The following ANOS1 variants were observed in gnomAD, a reference collection of about 807,000 sequenced individuals.
The protein encoded by ANOS1 is anosmin-1.
In ANOS1, 6 loss-of-function variants were observed where a neutral mutation model predicts 59.0. The observed-to-expected ratio is 0.10, with a 90% CI of 0.06 to 0.20. The LOEUF (loss-of-function observed/expected upper bound fraction) is 0.20. ANOS1 is among the 10% of genes least tolerant of loss of function. ANOS1 has a pLI of 1.00. For missense variants in ANOS1, 433 were observed against 542.3 expected, an observed-to-expected ratio of 0.80 and a Z score of 2.00; for synonymous variants, 217 against 223.4, an observed-to-expected ratio of 0.97 and a Z score of 0.25.
chrX:8,572,585 C>T (rs1023052873), intron 6 of ANOS1, among the ~76,000 whole-genome samples: 3 of 111,927 alleles, frequency 2.7e-5, no homozygotes, highest in African/African-American at 9.7e-5. Context: ...AATAGTGCTG[C>T]AATGTACACA....
At chrX:8,627,420 G>T (rs1252823641) in intron 2 of ANOS1, among the ~76,000 whole-genome samples, 1 of 111,857 alleles carries the variant, frequency 8.9e-6, no homozygotes, top group Non-Finnish European at 1.9e-5. Context: ...CATATTTCTG[G>T]AATGCTAATC....
intron 6 of ANOS1, among the ~76,000 whole-genome samples, chrX:8,580,479 A>G (rs1422501790): frequency 1.8e-5 from 2 of 112,309 alleles, no homozygotes; most frequent in Non-Finnish European, 3.8e-5. Context: ...GAAAAGCATG[A>G]AACTAATTTA....
At chrX:8,630,148 G>A (rs112864995) in intron 2 of ANOS1, among the ~76,000 whole-genome samples, 188 of 112,108 alleles carry the variant, frequency 1.7e-3, no homozygotes, top group African/African-American at 5.8e-3. Context: ...ACGACATGCC[G>A]GCCAGGCGTG....
intron 11 of ANOS1, among the ~76,000 whole-genome samples, chrX:8,536,188 C>CTTT (rs1304219147): frequency 0.01 from 325 of 31,869 alleles, 61 homozygotes; most frequent in East Asian, 0.032. Flanking sequence ...AAATCCGAAG[C>CTTT]TTTTTTTTTT....
At chrX:8,646,617 G>A (rs1429078408) in intron 2 of ANOS1, among the ~76,000 whole-genome samples, 1 of 110,645 alleles carries the variant, frequency 9.0e-6, no homozygotes, top group East Asian at 2.9e-4. Context: ...GGGAAGGCTT[G>A]AGAATAAAAT....
chrX:8,657,115 A>C (rs1473287105), intron 2 of ANOS1, among the ~76,000 whole-genome samples: 1 of 112,733 alleles, frequency 8.9e-6, no homozygotes, highest in African/African-American at 3.2e-5. Flanking sequence ...TGGCTCGATC[A>C]ATCATGCCTA....
intron 6 of ANOS1, among the ~76,000 whole-genome samples, chrX:8,578,352 C>A (rs1399803487): frequency 1.8e-5 from 2 of 109,086 alleles, no homozygotes; most frequent in Non-Finnish European, 3.8e-5. Context: ...GCTGCTGAAG[C>A]TACACTGCAG....
intron 4 of ANOS1, among the ~76,000 whole-genome samples, chrX:8,595,540 TGTAA>T (rs1307097157): frequency 8.9e-6 from 1 of 112,154 alleles, no homozygotes; most frequent in Admixed American, 9.5e-5. Flanking sequence ...TGTGAATTGT[TGTAA>T]GTGTTAGAGT....
intron 2 of ANOS1, among the ~76,000 whole-genome samples, chrX:8,667,321 G>A (rs778092546): frequency 8.2e-5 from 9 of 109,930 alleles, no homozygotes; most frequent in Admixed American, 5.9e-4. Context: ...GGGGGGATGG[G>A]GGTGGGGAGT....
intron 1 of ANOS1, among the ~76,000 whole-genome samples, chrX:8,707,813 C>T (rs139562079): frequency 1.6e-3 from 182 of 112,216 alleles, no homozygotes; most frequent in African/African-American, 5.4e-3. Flanking sequence ...CCTTAGGGTG[C>T]ATTATAACTT....
intron 2 of ANOS1, among the ~76,000 whole-genome samples, chrX:8,658,899 G>A (rs968102612): frequency 3.6e-5 from 4 of 111,189 alleles, no homozygotes; most frequent in African/African-American, 1.3e-4. Flanking sequence ...ACCAGCTTGG[G>A]CAACATAGAA....
intron 2 of ANOS1, among the ~76,000 whole-genome samples, chrX:8,631,704 A>G (rs998573637): frequency 8.9e-6 from 1 of 111,999 alleles, no homozygotes; most frequent in Non-Finnish European, 1.9e-5. Context: ...GAAATTATCA[A>G]TTGATCAAGG....
chrX:8,669,069 T>C (rs991285048), intron 2 of ANOS1, among the ~76,000 whole-genome samples: 1 of 112,368 alleles, frequency 8.9e-6, no homozygotes, highest in Non-Finnish European at 1.9e-5. Context: ...TGGAGATGTC[T>C]GGCTCTGTGT....
chrX:8,648,401 C>T (rs141950957), intron 2 of ANOS1, among the ~76,000 whole-genome samples: 1 of 102,864 alleles, frequency 9.7e-6, no homozygotes, highest in Non-Finnish European at 1.9e-5. Flanking sequence ...GCCGAGGTTG[C>T]AGTCAGCTGA....
chrX:8,628,097 A>G (rs1221119358), intron 2 of ANOS1, among the ~76,000 whole-genome samples: 2 of 111,619 alleles, frequency 1.8e-5, no homozygotes, highest in East Asian at 5.7e-4. Flanking sequence ...ACCAAAACCA[A>G]GATGGCAAAT....
intron 9 of ANOS1, among the ~76,000 whole-genome samples, chrX:8,541,028 T>A: frequency 1.0e-5 from 1 of 98,298 alleles, no homozygotes; most frequent in East Asian, 3.2e-4. Flanking sequence ...TTTTACATAG[T>A]AATGGGGCCA....
intron 2 of ANOS1, among the ~76,000 whole-genome samples, chrX:8,667,864 G>A (rs757581660): frequency 9.9e-5 from 11 of 110,792 alleles, no homozygotes; most frequent in African/African-American, 3.3e-4. Context: ...GGAGCTGAGA[G>A]CATGAATTGT....
intron 5 of ANOS1, 149 bp downstream of exon 5, chrX:8,587,645 T>C (rs772869957): frequency 4.2e-6 from 2 of 480,110 alleles, no homozygotes; most frequent in Non-Finnish European, 7.2e-6. Context: ...ATCCTCTCTT[T>C]AGAAGACCCC....
intron 1 of ANOS1, among the ~76,000 whole-genome samples, chrX:8,707,356 A>G (rs2146903361): frequency 8.9e-6 from 1 of 112,048 alleles, no homozygotes; most frequent in African/African-American, 3.2e-5. Context: ...GACTGAGCTG[A>G]TGAAATGTTT....
Sources: gnomAD v4.1 joint callset for allele counts (sites outside exome capture counted in the v4.1 genomes callset) on GRCh38, gnomAD v4.1.1 for gene constraint, MANE v1.5 for transcripts, NCBI Gene and HGNC (gene_info 2026-07-23, HGNC 2026-07-21) for gene names.